Variants in EML6 observed in about 807,000 individuals in gnomAD.
The protein encoded by EML6 is EMAP like 6.
EML6 carries 154 observed loss-of-function variants against 240.1 expected under a neutral mutation model. The observed-to-expected ratio is 0.64, with a 90% CI of 0.56 to 0.73. The LOEUF (loss-of-function observed/expected upper bound fraction) is 0.73. Ranked by LOEUF, EML6 falls within the 30% of genes least tolerant of loss-of-function variation. The probability of loss-of-function intolerance (pLI) is 0.00; values close to 1 mark genes in which losing one functional copy is unlikely to be tolerated. For synonymous variants in EML6, 1,148 were observed against 899.0 expected, an observed-to-expected ratio of 1.28 and a Z score of -4.95; for missense variants, 2,964 against 2,474.6, an observed-to-expected ratio of 1.20 and a Z score of -4.20.
At chr2:54,825,864 G>A (rs1314354510) in intron 5 of EML6, among the ~76,000 whole-genome samples, 1 of 152,028 alleles carries the variant, frequency 6.6e-6, no homozygotes, top group East Asian at 1.9e-4. Flanking sequence ...TCTCCTACAG[G>A]TGTAAAATAG....
intron 17 of EML6, among the ~76,000 whole-genome samples, chr2:54,883,615 T>C (rs2104010130): frequency 6.6e-6 from 1 of 152,238 alleles, no homozygotes; most frequent in East Asian, 1.9e-4. Context: ...TGATGGGGCG[T>C]GAGGAATCAT....
Position 54,866,871 on chromosome 2 carries a change from C to T in EML6, c.2038C>T (p.Gln680Ter). 6.5e-7 allele frequency: 1 copy of T among 1,549,052 alleles called. No homozygotes were observed. The highest frequency in any genetic ancestry group is 8.7e-7 in the Non-Finnish European group (1 of 1,144,712). The part of the protein sequence containing the change: ...EKAPEDSLKL[Q>*]FIHGYRGYDC... ...GGCTCCTGAGGACAGCTTGAAACTC[C>T]AGTTCATACACGGGTGGGTGGCCTG... The change falls in exon 14 of 42, where the codon CAG becomes TAG. Residue 680 changes from glutamine to a stop codon, truncating the protein, a stop_gained. Coordinates refer to ENST00000356458, the MANE Select transcript of EML6 (RefSeq NM_001039753.4). LOFTEE classifies it high-confidence loss of function.
At chr2:54,968,358 G>T in intron 40 of EML6, 77 bp downstream of exon 40, 1 of 1,357,204 alleles carries the variant, frequency 7.4e-7, no homozygotes, top group Non-Finnish European at 1.0e-6. Flanking sequence ...ACGTCTAGAT[G>T]GCCCTCTGGG....
chr2:54,817,718 T>C (rs2104084770), intron 4 of EML6, among the ~76,000 whole-genome samples: 1 of 152,204 alleles, frequency 6.6e-6, no homozygotes, highest in Admixed American at 6.5e-5. Context: ...TTCACAGCCA[T>C]CCTGGGCTGT....
At chr2:54,828,191 T>C (rs1359262847) in intron 6 of EML6, among the ~76,000 whole-genome samples, 2 of 151,974 alleles carry the variant, frequency 1.3e-5, no homozygotes, top group Admixed American at 1.3e-4. Flanking sequence ...TATTGGTTGG[T>C]AAGATAGATT....
intron 24 of EML6, among the ~76,000 whole-genome samples, chr2:54,905,624 TC>T (rs1673287497): frequency 6.6e-6 from 1 of 152,294 alleles, no homozygotes; most frequent in African/African-American, 2.4e-5. Flanking sequence ...TGTGCAACCA[TC>T]ACTGCCCCCA....
intron 2 of EML6, among the ~76,000 whole-genome samples, chr2:54,802,393 A>T (rs1670199901): frequency 6.6e-6 from 1 of 152,192 alleles, no homozygotes; most frequent in South Asian, 2.1e-4. Flanking sequence ...TGGGAGGCTG[A>T]GGCGGGCAGA....
At chr2:54,838,990 T>C (rs1210486219) in intron 7 of EML6, among the ~76,000 whole-genome samples, 2 of 152,252 alleles carry the variant, frequency 1.3e-5, no homozygotes, top group Non-Finnish European at 2.9e-5. Context: ...TACTAGCTTA[T>C]ATTTCTCTGA....
intron 2 of EML6, among the ~76,000 whole-genome samples, chr2:54,780,041 T>G (rs1215751932): frequency 6.6e-6 from 1 of 152,026 alleles, no homozygotes; most frequent in Non-Finnish European, 1.5e-5. Flanking sequence ...CACTCCCACC[T>G]CCTAATTCGG....
chr2:54,884,838 A>G (rs1308540791), intron 17 of EML6, among the ~76,000 whole-genome samples: 2 of 152,198 alleles, frequency 1.3e-5, no homozygotes, highest in African/African-American at 4.8e-5. Flanking sequence ...TCTCTAAAGT[A>G]TATATTAATG....
At chr2:54,807,052 G>A (rs1206068796) in intron 2 of EML6, among the ~76,000 whole-genome samples, 1 of 152,036 alleles carries the variant, frequency 6.6e-6, no homozygotes, top group Non-Finnish European at 1.5e-5. Flanking sequence ...AAATAATAAA[G>A]TGTCATACTT....
At chr2:54,826,976 C>T (rs1668629286) in intron 5 of EML6, among the ~76,000 whole-genome samples, 1 of 152,114 alleles carries the variant, frequency 6.6e-6, no homozygotes, top group Admixed American at 6.5e-5. Context: ...AGTTCGAGAC[C>T]AGCCTGGCCA....
intron 2 of EML6, among the ~76,000 whole-genome samples, chr2:54,786,272 C>T (rs189128664): frequency 1.3e-5 from 2 of 152,256 alleles, no homozygotes; most frequent in East Asian, 3.9e-4. Flanking sequence ...TCTCTAGTCC[C>T]AGCCCTTTTT....
chr2:54,892,781 A>G (rs1025399682), intron 19 of EML6, 125 bp downstream of exon 19: 2 of 695,642 alleles, frequency 2.9e-6, no homozygotes, highest in Admixed American at 3.1e-5. Context: ...AGTAGTTGTC[A>G]TAAAGCTCAG....
intron 11 of EML6, among the ~76,000 whole-genome samples, chr2:54,856,802 G>A (rs1041384383): frequency 6.6e-6 from 1 of 152,230 alleles, no homozygotes; most frequent in African/African-American, 2.4e-5. Context: ...GGAGTGATGT[G>A]ACCAATCCAA....
At position 54,970,054 on chromosome 2, in the gene EML6, T is replaced by C; in HGVS notation, c.5853-17T>C. 1 of 1,551,672 alleles carries C rather than the reference T, an allele frequency of 6.4e-7. No individual in the cohort carries two copies. Among genetic ancestry groups the C allele is most frequent in the Non-Finnish European group, 8.7e-7 (1 of 1,146,934 alleles). On this transcript the variant is annotated splice_polypyrimidine_tract_variant and intron_variant, in intron 41 of 41. Coordinates refer to ENST00000356458, the MANE Select transcript of EML6 (RefSeq NM_001039753.4). ...ATGTCCAGCTATGCAAAATGACTGT[T>C]TGATCTGCCTTTTCAGTGTATTTGT...
At chr2:54,731,825 C>G (rs1350250473) in intron 2 of EML6, among the ~76,000 whole-genome samples, 1 of 152,162 alleles carries the variant, frequency 6.6e-6, no homozygotes, top group Non-Finnish European at 1.5e-5. Context: ...CAACACTATC[C>G]TGCAGCCTCT....
At chr2:54,808,900 CCTT>C (rs1670642124) in intron 2 of EML6, among the ~76,000 whole-genome samples, 2 of 152,198 alleles carry the variant, frequency 1.3e-5, no homozygotes, top group Admixed American at 6.5e-5. Context: ...TGATGAAAGT[CCTT>C]CTCTGCAGTG....
chr2:54,829,229 G>T (rs190863474), intron 6 of EML6, 113 bp from the exon 7 acceptor site: 2 of 940,032 alleles, frequency 2.1e-6, no homozygotes, highest in African/African-American at 3.3e-5. Context: ...AGAGAACAAA[G>T]GGGTTTTATT....
Sources: allele counts gnomAD v4.1 joint callset (sites outside exome capture counted in the v4.1 genomes callset), GRCh38; gene constraint gnomAD v4.1.1; transcripts MANE v1.5; gene names NCBI Gene and HGNC (gene_info 2026-07-23, HGNC 2026-07-21).